SCLT1: variants seen among roughly 807,000 people sequenced by gnomAD.
SCLT1 encodes sodium channel and clathrin linker 1.
In SCLT1, 78 loss-of-function variants were observed where a neutral mutation model predicts 112.8. That is an observed-to-expected ratio of 0.69 (90% CI 0.58 to 0.83). The LOEUF is 0.83. SCLT1 is among the 40% of genes least tolerant of loss of function. SCLT1 has a pLI of 0.00. For missense variants in SCLT1, 747 were observed against 770.4 expected, an observed-to-expected ratio of 0.97 and a Z score of 0.36; for synonymous variants, 257 against 254.7, an observed-to-expected ratio of 1.01 and a Z score of -0.09.
chr4:128,975,396 G>C (rs1041946076), intron 9 of SCLT1, among the ~76,000 whole-genome samples: 1 of 151,848 alleles, frequency 6.6e-6, no homozygotes, highest in African/African-American at 2.4e-5. Flanking sequence ...ATAACATAAA[G>C]GATAGGATAT....
At chr4:129,012,761 C>T (rs764822958) in intron 5 of SCLT1, among the ~76,000 whole-genome samples, 5 of 147,696 alleles carry the variant, frequency 3.4e-5, no homozygotes, top group Non-Finnish European at 7.5e-5. Context: ...TGAATTGAAC[C>T]TTTTACCATT....
intron 9 of SCLT1, among the ~76,000 whole-genome samples, chr4:128,986,175 G>A (rs1313548605): frequency 1.3e-5 from 2 of 152,242 alleles, no homozygotes; most frequent in Admixed American, 6.5e-5. Context: ...TAGGGGGAGG[G>A]AGAGTGAAGT....
At position 128,975,254 on chromosome 4, in the gene SCLT1, C is replaced by T. The variant is rs538161091; in HGVS notation, c.687-4786G>A. On this transcript the variant is annotated intron_variant, in intron 9 of 20. Coordinates refer to ENST00000281142, the MANE Select transcript of SCLT1 (RefSeq NM_144643.4). ...CGGGGTTTCACCGTGTTAGCCAGGA[C>T]GGTCTCGATCTGCTGACCTCATGGT... Among the ~76,000 whole-genome samples the T allele has an allele frequency of 4.4e-4, 67 of 151,898 alleles. No individual in the cohort carries two copies. The Middle Eastern group carries it at 0.017, about 39-fold the overall frequency.
intron 5 of SCLT1, among the ~76,000 whole-genome samples, chr4:129,012,086 T>G (rs918982085): frequency 1.3e-5 from 2 of 152,192 alleles, no homozygotes; most frequent in African/African-American, 4.8e-5. Flanking sequence ...TTGGAATTTG[T>G]TTGCTCTTGG....
intron 3 of SCLT1, among the ~76,000 whole-genome samples, chr4:128,878,796 T>C (rs533647085): frequency 6.6e-6 from 1 of 152,328 alleles, no homozygotes; most frequent in East Asian, 1.9e-4. Context: ...TCTATTTTTT[T>C]CTACTACTTT....
chr4:129,092,368 T>C (rs938243600), intron 1 of SCLT1, among the ~76,000 whole-genome samples: 1 of 152,238 alleles, frequency 6.6e-6, no homozygotes, highest in Non-Finnish European at 1.5e-5. Context: ...TATTGTTCTA[T>C]TTGGGATGCC....
At chr4:129,000,374 G>A (rs561353696) in intron 6 of SCLT1, among the ~76,000 whole-genome samples, 19 of 151,566 alleles carry the variant, frequency 1.3e-4, no homozygotes, top group Non-Finnish European at 2.7e-4. Flanking sequence ...CAATATAGTG[G>A]GCTATTTTTA....
intron 18 of SCLT1, among the ~76,000 whole-genome samples, chr4:128,922,804 A>AAACC (rs1414782134): frequency 6.6e-6 from 1 of 152,176 alleles, no homozygotes; most frequent in East Asian, 1.9e-4. Context: ...AATAGTTAAC[A>AAACC]AACCAACCAA....
chr4:129,046,079 A>C (rs1279972460), intron 2 of SCLT1, among the ~76,000 whole-genome samples: 1 of 152,284 alleles, frequency 6.6e-6, no homozygotes, highest in Non-Finnish European at 1.5e-5. Context: ...TACAGAAGAC[A>C]GTACAAATTA....
chr4:128,898,508 G>T (rs1263241383), intron 18 of SCLT1, among the ~76,000 whole-genome samples: 2 of 151,876 alleles, frequency 1.3e-5, no homozygotes, highest in African/African-American at 4.8e-5. Flanking sequence ...AGAATCTCTG[G>T]GACACATTCA....
chr4:128,911,645 T>A (rs1735108570), intron 18 of SCLT1, among the ~76,000 whole-genome samples: 1 of 152,220 alleles, frequency 6.6e-6, no homozygotes, highest in African/African-American at 2.4e-5. Flanking sequence ...TACTTATGGG[T>A]AGATAATTTT....
chr4:129,074,537 C>A (rs754305869), intron 2 of SCLT1, among the ~76,000 whole-genome samples: 10 of 152,012 alleles, frequency 6.6e-5, no homozygotes, highest in South Asian at 2.1e-4. Context: ...TAGAAAAAAT[C>A]ATGCTTAGAG....
At chr4:128,904,979 C>G (rs1171432304) in intron 18 of SCLT1, among the ~76,000 whole-genome samples, 1 of 152,136 alleles carries the variant, frequency 6.6e-6, no homozygotes, top group East Asian at 1.9e-4. Context: ...CACTTTCCCC[C>G]TAAGTGATCT....
intron 5 of SCLT1, among the ~76,000 whole-genome samples, chr4:129,023,910 C>G: frequency 6.6e-6 from 1 of 152,356 alleles, no homozygotes. Flanking sequence ...TTGGAGGGTC[C>G]TACGCCCACG....
intron 18 of SCLT1, among the ~76,000 whole-genome samples, chr4:128,922,122 A>G (rs1405722689): frequency 3.3e-5 from 5 of 152,132 alleles, no homozygotes; most frequent in Non-Finnish European, 5.9e-5. Context: ...ATCAGAATTG[A>G]TATTATTAAA....
intron 5 of SCLT1, 108 bp from the exon 6 acceptor site, chr4:129,003,984 T>C: frequency 1.0e-6 from 1 of 976,392 alleles, no homozygotes; most frequent in South Asian, 1.5e-5. Flanking sequence ...TTAAACAAAA[T>C]CATTTTTAAG....
intron 18 of SCLT1, among the ~76,000 whole-genome samples, chr4:128,917,178 C>A (rs1042348918): frequency 9.9e-5 from 15 of 152,066 alleles, no homozygotes. Flanking sequence ...TCGTGACTGA[C>A]CCCAGTGCTT....
At chr4:128,966,973 G>A (rs1740255161) in intron 10 of SCLT1, among the ~76,000 whole-genome samples, 2 of 151,872 alleles carry the variant, frequency 1.3e-5, no homozygotes, top group South Asian at 4.2e-4. Flanking sequence ...AATGAGCATA[G>A]TACCTGATAG....
At position 128,921,824 on chromosome 4, in the gene SCLT1, C is replaced by A. The variant is rs762171821; in HGVS notation, c.1829+14831G>T. 4.0e-4 allele frequency among the ~76,000 whole-genome samples: 61 copies of A among 152,012 alleles called. 1 individual carries two copies. Among genetic ancestry groups the A allele is most frequent in the Non-Finnish European group, 1.0e-4 (7 of 68,000 alleles). The stretch of plus-strand genomic sequence containing the variant: ...ACCTAATTAAACTAAACAGCTTCTG[C>A]AGAGCAAAAGAAAATATCAACAGAG... On this transcript the variant is annotated intron_variant, in intron 18 of 20. Transcript: ENST00000281142.
Sources: allele counts gnomAD v4.1 joint callset (sites outside exome capture counted in the v4.1 genomes callset), GRCh38; gene constraint gnomAD v4.1.1; transcripts MANE v1.5; gene names NCBI Gene and HGNC (gene_info 2026-07-23, HGNC 2026-07-21).